The following CEP350 variants were observed in gnomAD, a reference collection of about 807,000 sequenced individuals.
CEP350 encodes the protein centrosome-associated protein 350.
A neutral mutation model predicts 331.8 loss-of-function variants in CEP350; 126 were observed. That is an observed-to-expected ratio of 0.38 (90% confidence interval 0.33 to 0.44). The LOEUF (loss-of-function observed/expected upper bound fraction) is 0.44. Ranked by LOEUF, CEP350 falls within the 20% of genes least tolerant of loss-of-function variation. The pLI is 1.00. For synonymous variants in CEP350, 1,200 were observed against 1,259.5 expected, an observed-to-expected ratio of 0.95 and a Z score of 1.00; for missense variants, 3,406 against 3,634.6, an observed-to-expected ratio of 0.94 and a Z score of 1.62.
At chr1:180,096,477 A>G (rs1315728062) in intron 36 of CEP350, among the ~76,000 whole-genome samples, 1 of 152,186 alleles carries the variant, frequency 6.6e-6, no homozygotes, top group Non-Finnish European at 1.5e-5. Context: ...AAATTAGGAA[A>G]TACCTAGGGA....
chr1:180,054,068 C>T (rs1475694476), intron 24 of CEP350, 134 bp downstream of exon 24: 1 of 679,074 alleles, frequency 1.5e-6, no homozygotes, highest in African/African-American at 1.8e-5. Flanking sequence ...TAACGGCAGT[C>T]ATACTTGATT....
intron 28 of CEP350, among the ~76,000 whole-genome samples, chr1:180,076,706 C>T (rs937138644): frequency 6.6e-6 from 1 of 152,048 alleles, no homozygotes; most frequent in Non-Finnish European, 1.5e-5. Context: ...TGAAAGTCAC[C>T]TGAGCCCAGG....
intron 25 of CEP350, among the ~76,000 whole-genome samples, chr1:180,055,235 A>G (rs904962500): frequency 1.3e-5 from 2 of 152,204 alleles, no homozygotes; most frequent in African/African-American, 4.8e-5. Context: ...GAAACTGTGT[A>G]ATCATGGTCA....
Position 180,095,995 on chromosome 1 carries a change from C to T in CEP350, c.8920-43C>T, listed in dbSNP as rs374345077. 678 of 1,550,668 alleles carry T rather than the reference C, an allele frequency of 4.4e-4. 1 individual carries two copies. Among genetic ancestry groups the T allele is most frequent in the Non-Finnish European group, 5.4e-4 (618 of 1,148,452 alleles). ...TCTCCCATTGTCTGAAATTTGGATT[C>T]TTAGCCATTTTGTTTTGTTTTGTTT... On this transcript the variant is annotated intron_variant, in intron 35 of 37. Coordinates refer to ENST00000367607, the MANE Select transcript of CEP350 (RefSeq NM_014810.5).
At chr1:179,973,508 CT>C (rs919923090) in intron 1 of CEP350, among the ~76,000 whole-genome samples, 9 of 151,886 alleles carry the variant, frequency 5.9e-5, no homozygotes, top group African/African-American at 1.9e-4. Context: ...ATTTCTTATA[CT>C]TTTTTTTAGT....
intron 1 of CEP350, among the ~76,000 whole-genome samples, chr1:179,959,094 G>A (rs1308543111): frequency 3.2e-5 from 4 of 125,540 alleles, no homozygotes; most frequent in Admixed American, 8.5e-5. Context: ...ATTTTTGAAT[G>A]TGATTTTTAG....
At chr1:180,087,802 G>T in intron 32 of CEP350, 85 bp downstream of exon 32, 2 of 1,266,438 alleles carry the variant, frequency 1.6e-6, no homozygotes, top group South Asian at 5.1e-5. Flanking sequence ...TACCCTTTAA[G>T]TAACTGAAAT....
intron 22 of CEP350, 94 bp downstream of exon 22, chr1:180,048,799 T>A: frequency 1.0e-6 from 1 of 968,584 alleles, no homozygotes; most frequent in South Asian, 1.5e-5. Context: ...CTGGATGTGG[T>A]GGCTCATGCC....
chr1:180,070,467 T>C (rs1048743958), intron 27 of CEP350, among the ~76,000 whole-genome samples: 4 of 152,158 alleles, frequency 2.6e-5, no homozygotes, highest in African/African-American at 7.2e-5. Context: ...AGTGGAAATA[T>C]TCCAACGGAG....
At chr1:180,037,289 A>T (rs1656423765) in intron 17 of CEP350, among the ~76,000 whole-genome samples, 200 bp downstream of exon 17, 1 of 152,158 alleles carries the variant, frequency 6.6e-6, no homozygotes, top group South Asian at 2.1e-4. Context: ...TAATAAAATC[A>T]TTCTCTCTCA....
chr1:180,017,470 T>TCAGACATTA (rs1490874988), intron 11 of CEP350, among the ~76,000 whole-genome samples: 1 of 152,236 alleles, frequency 6.6e-6, no homozygotes, highest in Non-Finnish European at 1.5e-5. Flanking sequence ...CATACCCTGC[T>TCAGACATTA]ATATTAATGT....
Position 180,078,472 on chromosome 1 carries a change from G to T in CEP350, c.5777G>T (p.Ser1926Ile), listed in dbSNP as rs376944581. The change falls in exon 29 of 38, where the codon AGT becomes ATT. Residue 1926 changes from serine (S) to isoleucine (I), a missense_variant. Ser to Ile is a moderately radical substitution (Grantham distance 142, BLOSUM62 -2). Transcript: ENST00000367607. ...CACCTTCTCTGTCTAGAAATAGCAAGTGAAGAGGAATCTCCAGTACCTCTG... is the reference window on the plus strand; with the variant it reads ...CACCTTCTCTGTCTAGAAATAGCAATTGAAGAGGAATCTCCAGTACCTCTG... ...DQRTEQKEIASEEESPVPLYS... is the reference protein window; with the variant it reads ...DQRTEQKEIAIEEESPVPLYS... The T allele has an allele frequency of 9.3e-6, 15 of 1,610,882 alleles. No homozygotes were observed. The highest frequency in any genetic ancestry group is 1.3e-5 in the Non-Finnish European group (15 of 1,178,276).
intron 1 of CEP350, among the ~76,000 whole-genome samples, chr1:179,978,088 A>G (rs1652008601): frequency 6.6e-6 from 1 of 152,070 alleles, no homozygotes; most frequent in Non-Finnish European, 1.5e-5. Flanking sequence ...CAGCTCCAAT[A>G]TAGTTTTAAG....
intron 1 of CEP350, among the ~76,000 whole-genome samples, chr1:179,972,513 T>G (rs1259716412): frequency 6.6e-6 from 1 of 152,144 alleles, no homozygotes; most frequent in African/African-American, 2.4e-5. Flanking sequence ...TATTTTATTT[T>G]TTATTTTTTG....
intron 26 of CEP350, 88 bp from the exon 27 acceptor site, chr1:180,065,027 G>A: frequency 1.5e-6 from 2 of 1,326,798 alleles, no homozygotes; most frequent in South Asian, 1.7e-5. Context: ...ATTGTATTGT[G>A]GATAAACTTA....
Position 180,033,855 on chromosome 1 carries a change from C to T in CEP350, c.3726-7C>T, listed in dbSNP as rs1159101108. On this transcript the variant is annotated splice_polypyrimidine_tract_variant and splice_region_variant and intron_variant, in intron 15 of 37. Transcript: ENST00000367607. Reference sequence around the variant, plus strand: ...CCTCTAATGTTTTTGTGGATCAAAACTTCTAGTGTCTCATCAGATAAGGGA... The same window carrying T: ...CCTCTAATGTTTTTGTGGATCAAAATTTCTAGTGTCTCATCAGATAAGGGA... The T allele has an allele frequency of 1.2e-6, 2 of 1,612,152 alleles. No individual in the cohort carries two copies. The highest frequency in any genetic ancestry group is 1.7e-6 in the Non-Finnish European group (2 of 1,178,654).
chr1:179,960,853 T>G (rs982191381), intron 1 of CEP350, among the ~76,000 whole-genome samples: 2 of 152,196 alleles, frequency 1.3e-5, no homozygotes, highest in African/African-American at 4.8e-5. Flanking sequence ...TAAATACTTT[T>G]TAGGTTGTGG....
At chr1:180,058,430 A>G (rs1657987993) in intron 25 of CEP350, among the ~76,000 whole-genome samples, 1 of 152,228 alleles carries the variant, frequency 6.6e-6, no homozygotes, top group Admixed American at 6.5e-5. Context: ...AGATGCAAAG[A>G]ATATATACAG....
At chr1:180,102,632 T>C (rs1437961656) in intron 37 of CEP350, among the ~76,000 whole-genome samples, 4 of 152,078 alleles carry the variant, frequency 2.6e-5, no homozygotes, top group African/African-American at 9.7e-5. Flanking sequence ...TAGAAAATAA[T>C]ATAGGTGCAT....
Sources: gnomAD v4.1 joint callset for allele counts (sites outside exome capture counted in the v4.1 genomes callset) on GRCh38, gnomAD v4.1.1 for gene constraint, MANE v1.5 for transcripts, NCBI Gene and HGNC (gene_info 2026-07-23, HGNC 2026-07-21) for gene names.